The following CERS6 variants were observed in gnomAD, a reference collection of about 807,000 sequenced individuals.
CERS6 encodes the protein LAG1 homolog, ceramide synthase 6.
In CERS6, 26 loss-of-function variants were observed where a neutral mutation model predicts 56.8. The observed-to-expected ratio is 0.46, with a 90% CI of 0.34 to 0.63. The LOEUF (loss-of-function observed/expected upper bound fraction) is 0.63, where lower values mean the gene tolerates loss of function less well. CERS6 is among the 30% of genes least tolerant of loss of function. The pLI, the probability that CERS6 is intolerant of heterozygous loss-of-function variation, is 0.01. For synonymous variants in CERS6, 164 were observed against 173.3 expected (o/e 0.95, Z 0.42); for missense variants, 415 against 467.5 (o/e 0.89, Z 1.04).
rs568128547 is a variant in CERS6 at position 168,537,062 on chromosome 2, CT to C, written c.171-10528del. Among the ~76,000 whole-genome samples the C allele has an allele frequency of 4.6e-5, 7 of 152,116 alleles. No individual in the cohort carries two copies. In the South Asian group the frequency reaches 1.5e-3, roughly 32 times the overall value. ...ATTATACCTTTATAAGCTGTGCCAC[CT>C]TTTTTCCACATGGGCTTTGTTATTA... On this transcript the variant is annotated intron_variant, in intron 1 of 9. Coordinates refer to ENST00000305747, the MANE Select transcript of CERS6 (RefSeq NM_203463.3).
At chr2:168,743,985 T>C (rs1684008063) in intron 8 of CERS6, among the ~76,000 whole-genome samples, 1 of 123,478 alleles carries the variant, frequency 8.1e-6, no homozygotes, top group African/African-American at 3.2e-5. Flanking sequence ...TTTTCTTTTT[T>C]CTTTTTTTTC....
chr2:168,768,904 C>CAAAAAAAAAAAAAAAAAA (rs765504573), intron 9 of CERS6, among the ~76,000 whole-genome samples: 2 of 59,402 alleles, frequency 3.4e-5, no homozygotes, highest in Admixed American at 1.8e-4. Context: ...GACTCTGACT[C>CAAAAAAAAAAAAAAAAAA]AAAAAAAAAA....
chr2:168,615,927 C>G (rs950162205), intron 3 of CERS6, among the ~76,000 whole-genome samples: 1 of 152,128 alleles, frequency 6.6e-6, no homozygotes, highest in Non-Finnish European at 1.5e-5. Context: ...ATCAGGTAGT[C>G]TAAAGTTAAG....
At chr2:168,574,370 T>TTGTG (rs59913751) in intron 3 of CERS6, among the ~76,000 whole-genome samples, 3,299 of 148,654 alleles carry the variant, frequency 0.022, 94 homozygotes, top group African/African-American at 0.06. Context: ...TCAATAAGTT[T>TTGTG]TGTGTGTGTG....
At chr2:168,488,986 G>A (rs187046828) in intron 1 of CERS6, among the ~76,000 whole-genome samples, 1 of 152,188 alleles carries the variant, frequency 6.6e-6, no homozygotes, top group East Asian at 1.9e-4. Flanking sequence ...TATTTACCGA[G>A]ATATTTATTA....
At chr2:168,666,589 G>A (rs147766753) in intron 4 of CERS6, among the ~76,000 whole-genome samples, 24 of 152,262 alleles carry the variant, frequency 1.6e-4, no homozygotes, top group African/African-American at 5.8e-4. Flanking sequence ...CAATATTTTG[G>A]TATAAACATT....
chr2:168,693,723 G>A (rs62174421), intron 5 of CERS6, among the ~76,000 whole-genome samples: 5,541 of 151,712 alleles, frequency 0.037, 124 homozygotes, highest in East Asian at 0.14. Flanking sequence ...CCCATTCATG[G>A]GGGCTCCACT....
At chr2:168,602,030 A>G (rs1423447860) in intron 3 of CERS6, among the ~76,000 whole-genome samples, 7 of 152,224 alleles carry the variant, frequency 4.6e-5, no homozygotes, top group African/African-American at 1.4e-4. Flanking sequence ...AACACCTTAA[A>G]TGAAACACCA....
At chr2:168,507,664 G>A (rs1445740674) in intron 1 of CERS6, among the ~76,000 whole-genome samples, 1 of 152,060 alleles carries the variant, frequency 6.6e-6, no homozygotes, top group Non-Finnish European at 1.5e-5. Flanking sequence ...CCAAGGTTTT[G>A]CCAACATCTT....
At chr2:168,667,478 T>A (rs1479072184) in intron 4 of CERS6, among the ~76,000 whole-genome samples, 1 of 152,230 alleles carries the variant, frequency 6.6e-6, no homozygotes, top group Admixed American at 6.5e-5. Flanking sequence ...ACTCGATATG[T>A]TTTGTCACAT....
At chr2:168,467,516 A>G (rs1347486646) in intron 1 of CERS6, among the ~76,000 whole-genome samples, 1 of 152,208 alleles carries the variant, frequency 6.6e-6, no homozygotes, top group African/African-American at 2.4e-5. Flanking sequence ...ATCTATTGCA[A>G]TTAATAGACA....
intron 4 of CERS6, among the ~76,000 whole-genome samples, chr2:168,640,978 G>T (rs1344109705): frequency 6.6e-6 from 1 of 152,128 alleles, no homozygotes; most frequent in Non-Finnish European, 1.5e-5. Flanking sequence ...ACTGAGTGGA[G>T]TTGGGAACTA....
At chr2:168,591,114 G>T (rs1683659420) in intron 3 of CERS6, among the ~76,000 whole-genome samples, 1 of 152,196 alleles carries the variant, frequency 6.6e-6, no homozygotes. Flanking sequence ...TATTATAAAT[G>T]TCATAGGGCT....
At chr2:168,750,983 GA>G (rs375618491) in intron 8 of CERS6, among the ~76,000 whole-genome samples, 144 of 152,256 alleles carry the variant, frequency 9.5e-4, no homozygotes, top group African/African-American at 3.4e-3. Context: ...TAACTTTCTT[GA>G]TTACCAAATA....
chr2:168,643,487 T>A (rs961717206), intron 4 of CERS6, among the ~76,000 whole-genome samples: 4 of 152,142 alleles, frequency 2.6e-5, no homozygotes, highest in African/African-American at 9.7e-5. Context: ...TAGCATGATG[T>A]TTTGTCAAAG....
chr2:168,735,935 G>A (rs1305238630), intron 8 of CERS6, among the ~76,000 whole-genome samples: 1 of 151,676 alleles, frequency 6.6e-6, no homozygotes, highest in Non-Finnish European at 1.5e-5. Context: ...GCTGAGTGGG[G>A]TGACTCACAC....
chr2:168,765,608 T>C lies in CERS6; in HGVS notation c.862T>C (p.Leu288=). The C allele has an allele frequency of 6.2e-7, 1 of 1,613,520 alleles. No homozygotes were observed. Among genetic ancestry groups the C allele is most frequent in the Non-Finnish European group, 8.5e-7 (1 of 1,179,828 alleles). Residue 288 remains leucine, a synonymous_variant, in exon 9 of 10, where the codon TTA becomes CTA. Transcript: ENST00000305747. ...TTTCCTTAGGGTGTTAAATACCACA[T>C]TATTTGAAAGCTGGGAGATCGTTGG... ...IFPLWVLNTT[L]FESWEIVGPY... is the part of the protein sequence containing the mutation.
intron 9 of CERS6, among the ~76,000 whole-genome samples, chr2:168,768,663 C>A (rs144840093): frequency 6.6e-6 from 1 of 151,762 alleles, no homozygotes; most frequent in East Asian, 1.9e-4. Context: ...CCCAACACTT[C>A]GGGAGGTCAA....
chr2:168,740,264 AAAG>A lies in CERS6; in HGVS notation c.845+22289_845+22291del, dbSNP rs552632172. ...AAGCACAATATGAAGAAAAAATAGA[AAAG>A]AAATGACTTTACTTTCTTAACTTTT... On this transcript the variant is annotated intron_variant, in intron 8 of 9. Transcript: ENST00000305747. Among the ~76,000 whole-genome samples the A allele has an allele frequency of 5.3e-5, 8 of 152,362 alleles. No individual in the cohort carries two copies. In the South Asian group the frequency reaches 1.7e-3, roughly 32 times the overall value.
Sources: allele counts gnomAD v4.1 joint callset (sites outside exome capture counted in the v4.1 genomes callset), GRCh38; gene constraint gnomAD v4.1.1; transcripts MANE v1.5; gene names NCBI Gene and HGNC (gene_info 2026-07-23, HGNC 2026-07-21).